XCR1: variants seen among roughly 807,000 people sequenced by gnomAD.
XCR1 encodes chemokine XC receptor 1.
For synonymous variants in XCR1, 187 were observed against 188.5 expected, an observed-to-expected ratio of 0.99 and a Z score of 0.06; for missense variants, 356 against 424.2, an observed-to-expected ratio of 0.84 and a Z score of 1.41.
intron 1 of XCR1, chr3:46,023,911 T>G: frequency 6.6e-7 from 1 of 1,504,984 alleles, no homozygotes; most frequent in Non-Finnish European, 9.2e-7. Flanking sequence ...GCCAGACTTC[T>G]AAAAAGGTCC....
chr3:46,021,929 G>C lies in XCR1; in HGVS notation c.19C>G (p.Pro7Ala). Residue 7 changes from proline (P) to alanine (A), a missense_variant, in exon 2 of 2, where the codon CCA becomes GCA. By Grantham distance (27) the Pro-to-Ala change is conservative. Transcript: ENST00000309285. This position sits in a 1 kb window ranked among gnomAD's most constrained non-coding sequence, Gnocchi z 4.7. The stretch of plus-strand genomic sequence containing the variant: ...TAGTAAAAAAAGGTGGTGCTCTCTG[G>C]GTTGCCTGAGGACTCCATCTGGACC... Reference protein sequence around the residue: MESSGNPESTTFFYYDL... With the variant: MESSGNAESTTFFYYDL... The C allele has an allele frequency of 6.2e-7, 1 of 1,612,134 alleles. No homozygotes were observed. Among genetic ancestry groups the C allele is most frequent in the Non-Finnish European group, 8.5e-7 (1 of 1,178,994 alleles).
intron 1 of XCR1, among the ~76,000 whole-genome samples, chr3:46,083,364 G>A (rs1201851894): frequency 1.3e-5 from 2 of 152,148 alleles, no homozygotes; most frequent in Non-Finnish European, 2.9e-5. Flanking sequence ...AATGTTGAAG[G>A]GCAATATGTC....
At chr3:46,061,536 G>A (rs13317076) in intron 4 of XCR1, among the ~76,000 whole-genome samples, 1,554 of 152,308 alleles carry the variant, frequency 0.01, 31 homozygotes, top group African/African-American at 0.034. Context: ...GAACATTCAC[G>A]TGGGACATTC....
intron 4 of XCR1, among the ~76,000 whole-genome samples, chr3:46,066,391 C>T (rs1483857750): frequency 5.3e-5 from 8 of 152,172 alleles, no homozygotes; most frequent in Admixed American, 6.5e-5. Context: ...ACTACAGGCA[C>T]GCACCACCAC....
At chr3:46,042,923 A>G (rs1042888861) in intron 5 of XCR1, among the ~76,000 whole-genome samples, 5 of 152,216 alleles carry the variant, frequency 3.3e-5, no homozygotes, top group African/African-American at 1.2e-4. Context: ...AATCCTCAAC[A>G]AAATACTAGC....
intron 4 of XCR1, among the ~76,000 whole-genome samples, chr3:46,056,731 C>T (rs560253528): frequency 6.6e-6 from 1 of 152,124 alleles, no homozygotes; most frequent in Non-Finnish European, 1.5e-5. Context: ...AAGTGATCTG[C>T]CCACCTTGGC....
At chr3:46,047,849 G>A (rs4683166) in intron 5 of XCR1, among the ~76,000 whole-genome samples, 2 of 152,022 alleles carry the variant, frequency 1.3e-5, no homozygotes, top group African/African-American at 2.4e-5. Context: ...CTTTAGGTCC[G>A]CAATGTCTCC....
intron 1 of XCR1, among the ~76,000 whole-genome samples, chr3:46,080,871 T>TC (rs1206735046): frequency 1.3e-5 from 2 of 152,206 alleles, no homozygotes; most frequent in Non-Finnish European, 2.9e-5. Flanking sequence ...TGATGGTTTG[T>TC]CCCAAACATA....
chr3:46,069,899 T>C (rs939725409), intron 3 of XCR1, among the ~76,000 whole-genome samples: 7 of 145,182 alleles, frequency 4.8e-5, no homozygotes, highest in Non-Finnish European at 1.5e-5. Flanking sequence ...GGTTGTTAAT[T>C]TGCGATCTAT....
chr3:46,078,260 T>C lies in XCR1; in HGVS notation c.-514-1334A>G, dbSNP rs141447567. Among the ~76,000 whole-genome samples, 176 of 152,144 alleles carry C rather than the reference T, an allele frequency of 1.2e-3. 2 individuals are homozygous for C. Among genetic ancestry groups the C allele is most frequent in the African/African-American group, 4.1e-3 (171 of 41,414 alleles). On this transcript the variant is annotated intron_variant, in intron 1 of 5. Coordinates refer to the XCR1 transcript ENST00000683768. ...CTTCCTTTGGGGTCAGCATTTTTGG[T>C]GCCATGAGAAGGATTCAGAATAACC...
intron 1 of XCR1, chr3:46,023,603 A>G: frequency 7.2e-7 from 1 of 1,387,010 alleles, no homozygotes; most frequent in Non-Finnish European, 1.0e-6. Context: ...GCATCTCACA[A>G]ACTCTCTGCC....
intron 1 of XCR1, chr3:46,024,075 T>C: frequency 1.1e-6 from 1 of 925,220 alleles, no homozygotes; most frequent in Admixed American, 1.8e-5. Context: ...TCCCCAGTCT[T>C]CCTCCCTTGG....
upstream of XCR1, among the ~76,000 whole-genome samples, chr3:46,031,739 A>C (rs760586120): frequency 3.3e-5 from 5 of 152,212 alleles, no homozygotes; most frequent in African/African-American, 1.2e-4. Flanking sequence ...GTTCTGGCCC[A>C]TGGCCACCCA....
intron 4 of XCR1, among the ~76,000 whole-genome samples, chr3:46,058,745 T>C (rs1697902193): frequency 1.3e-5 from 2 of 152,088 alleles, no homozygotes; most frequent in Admixed American, 1.3e-4. Context: ...CCTGTATTTT[T>C]GTAGAAACAG....
chr3:46,084,837 T>C (rs751707400), intron 1 of XCR1, among the ~76,000 whole-genome samples: 23 of 152,202 alleles, frequency 1.5e-4, no homozygotes, highest in Non-Finnish European at 2.8e-4. Flanking sequence ...AACTATCTTA[T>C]TGGGTACTAT....
rs377273543 is a variant in XCR1, at chr3:46,063,818, C to A, written c.-183+3081G>T. The stretch of plus-strand genomic sequence containing the variant: ...ATGTAATCCTCTTTGTTGATTGTAC[C>A]CTTTGGCACACTGTTGTTTATCTGC... On this transcript the variant is annotated intron_variant, in intron 4 of 5. Transcript: ENST00000683768. Among the ~76,000 whole-genome samples, 5 of 152,132 alleles carry A rather than the reference C, an allele frequency of 3.3e-5. No individual in the cohort carries two copies. In the East Asian group the frequency reaches 5.8e-4, roughly 18 times the overall value.
At position 46,026,714 on chromosome 3, in the gene XCR1, C is replaced by T. The variant is rs183983555; in HGVS notation, c.-32+703G>A. On this transcript the variant is annotated intron_variant, in intron 1 of 1. Coordinates refer to ENST00000309285, the MANE Select transcript of XCR1 (RefSeq NM_001024644.2). ...TCTCCTGAATCAGCCTCCCAAGTAGCTAGGACTACAGGTGCCCGTCACCAC... is the reference window on the plus strand; with the variant it reads ...TCTCCTGAATCAGCCTCCCAAGTAGTTAGGACTACAGGTGCCCGTCACCAC... Among the ~76,000 whole-genome samples, 3 of 151,602 alleles carry T rather than the reference C, an allele frequency of 2.0e-5. No individual in the cohort carries two copies. In the East Asian group the frequency reaches 5.8e-4, roughly 30 times the overall value.
chr3:46,074,240 T>TTTTGG (rs1698214831), intron 3 of XCR1, among the ~76,000 whole-genome samples: 1 of 129,870 alleles, frequency 7.7e-6, no homozygotes, highest in African/African-American at 3.0e-5. Flanking sequence ...TTTTTTTTTT[T>TTTTGG]GAGACAGGGT....
intron 5 of XCR1, among the ~76,000 whole-genome samples, chr3:46,042,371 C>G (rs541908179): frequency 6.7e-6 from 1 of 149,600 alleles, no homozygotes; most frequent in Non-Finnish European, 1.5e-5. Context: ...AGAAAATAAA[C>G]AGAATCAAAG....
Sources: allele counts gnomAD v4.1 joint callset (sites outside exome capture counted in the v4.1 genomes callset), GRCh38; gene constraint gnomAD v4.1.1; non-coding constraint Gnocchi (gnomAD v3.1); transcripts MANE v1.5; gene names NCBI Gene and HGNC (gene_info 2026-07-23, HGNC 2026-07-21).